Variants in BUD31 observed in about 807,000 individuals in gnomAD.
BUD31 encodes the protein protein BUD31 homolog.
Under a neutral mutation model 17.9 loss-of-function variants are expected in BUD31, and 9 were observed. The observed-to-expected ratio is 0.50, with a 90% CI of 0.30 to 0.88. BUD31 has a LOEUF of 0.88. BUD31 is among the 40% of genes least tolerant of loss of function. BUD31 has a pLI of 0.06. For synonymous variants in BUD31, 70 were observed against 64.7 expected (o/e 1.08, Z -0.39); for missense variants, 148 against 184.5 (o/e 0.80, Z 1.15).
In BUD31 at chr7:99,409,042, C is replaced by A. The variant is rs1376060237; in HGVS notation, c.-369C>A. On this transcript the variant is annotated 5_prime_UTR_variant, in exon 1 of 6. Transcript: ENST00000222969. ...CCTCTGTTCTCGATTACCTTGGCAACGGCTGAGGCGGGAGACCGGTGGTCT... is the reference window on the plus strand; with the variant it reads ...CCTCTGTTCTCGATTACCTTGGCAAAGGCTGAGGCGGGAGACCGGTGGTCT... The A allele has an allele frequency of 2.6e-5, 4 of 152,602 alleles. No individual in the cohort carries two copies. In the East Asian group the frequency reaches 7.7e-4, roughly 29 times the overall value. 9.5% of individuals were successfully genotyped at this position (152,602 alleles called of 1,614,324 possible).
intron 1 of BUD31, among the ~76,000 whole-genome samples, chr7:99,409,707 T>A (rs373965369): frequency 6.9e-6 from 1 of 144,008 alleles, no homozygotes; most frequent in Non-Finnish European, 1.5e-5. Flanking sequence ...TTCTACCTTA[T>A]AGAGTTTGAT....
intron 2 of BUD31, among the ~76,000 whole-genome samples, chr7:99,410,662 G>A (rs532800050): frequency 1.5e-4 from 23 of 152,252 alleles, no homozygotes; most frequent in African/African-American, 5.1e-4. Flanking sequence ...CTTCTAAGGG[G>A]CAAAGGCTTA....
intron 2 of BUD31, among the ~76,000 whole-genome samples, chr7:99,410,394 ATT>A (rs111796919): frequency 6.4e-5 from 8 of 124,096 alleles, no homozygotes; most frequent in Admixed American, 1.7e-4. Flanking sequence ...AATTTTTTTG[ATT>A]TTTTTTTTTT....
intron 3 of BUD31, chr7:99,415,293 C>T: frequency 2.2e-6 from 1 of 455,642 alleles, no homozygotes; most frequent in Non-Finnish European, 4.4e-6. Context: ...CACGTGTCCA[C>T]TGGAAAGCGG....
Position 99,417,947 on chromosome 7 carries a change from A to G in BUD31, c.384+352A>G, listed in dbSNP as rs149607644. 7.3e-6 allele frequency: 9 copies of G among 1,228,718 alleles called. 1 individual carries two copies. In the East Asian group the frequency reaches 4.5e-4, roughly 61 times the overall value. 76.1% of individuals were successfully genotyped at this position (1,228,718 alleles called of 1,614,324 possible). A position where few individuals can be genotyped will look rare whatever the true frequency, so the allele number is the denominator to read the frequency against. On this transcript the variant is annotated intron_variant, in intron 5 of 5. Transcript: ENST00000222969. ...CCTGTCCCTTTCAGTCCTCACAGTG[A>G]TACTTTAACATTACCATCACTATCT...
chr7:99,411,115 G>A lies in BUD31; in HGVS notation c.23G>A (p.Arg8Gln), dbSNP rs374886806. The A allele has an allele frequency of 2.1e-5, 34 of 1,613,962 alleles. No individual in the cohort carries two copies. The highest frequency in any genetic ancestry group is 4.0e-5 in the African/African-American group (3 of 74,914). Residue 8 changes from arginine (R) to glutamine (Q), a missense_variant, in exon 3 of 6, where the codon CGG (arginine) becomes CAG (glutamine). Arg to Gln is a conservative substitution (Grantham distance 43). Transcript: ENST00000222969. The stretch of plus-strand genomic sequence containing the variant: ...AAAATGCCTAAAGTCAAAAGAAGCC[G>A]GAAAGCACCCCCAGATGGCTGGGAG... MPKVKRS[R>Q]KAPPDGWELI...
intron 3 of BUD31, among the ~76,000 whole-genome samples, chr7:99,412,500 C>T (rs899408098): frequency 6.6e-6 from 1 of 152,224 alleles, no homozygotes; most frequent in African/African-American, 2.4e-5. Flanking sequence ...TCAATCACAG[C>T]TCACTGAAGC....
intron 3 of BUD31, 119 bp from the exon 4 acceptor site, chr7:99,416,019 C>A: frequency 7.0e-7 from 1 of 1,430,194 alleles, no homozygotes; most frequent in Non-Finnish European, 9.4e-7. Context: ...GGCTTGCCAC[C>A]CACAGCCATC....
At chr7:99,411,354 G>A (rs1328846411) in intron 3 of BUD31, 168 bp downstream of exon 3, 1 of 564,156 alleles carries the variant, frequency 1.8e-6, no homozygotes, top group East Asian at 3.1e-5. Flanking sequence ...CCGAAAATAA[G>A]ATAACATTAA....
intron 1 of BUD31, 126 bp from the exon 2 acceptor site, chr7:99,409,908 G>A (rs561276045): frequency 6.6e-6 from 1 of 152,278 alleles, no homozygotes; most frequent in South Asian, 2.1e-4. Flanking sequence ...TGTGTGGTTT[G>A]AAAAACGCTT....
chr7:99,416,542 C>T (rs1396605052), intron 4 of BUD31, among the ~76,000 whole-genome samples: 1 of 151,826 alleles, frequency 6.6e-6, no homozygotes, highest in African/African-American at 2.4e-5. Flanking sequence ...GTCTCAGCTC[C>T]CAAGTAGCTG....
chr7:99,415,998 G>A (rs1795427481), intron 3 of BUD31, 140 bp from the exon 4 acceptor site: 12 of 1,177,394 alleles, frequency 1.0e-5, no homozygotes, highest in Admixed American at 2.6e-5. Flanking sequence ...TTCTTGCCTC[G>A]GCACCTGGGT....
At chr7:99,413,313 A>T (rs1042828826) in intron 3 of BUD31, among the ~76,000 whole-genome samples, 4 of 152,216 alleles carry the variant, frequency 2.6e-5, no homozygotes, top group African/African-American at 9.6e-5. Flanking sequence ...TGAGAGAGAG[A>T]GAACTGCCTT....
chr7:99,413,382 G>A (rs529891504), intron 3 of BUD31, among the ~76,000 whole-genome samples: 3 of 152,248 alleles, frequency 2.0e-5, no homozygotes, highest in Non-Finnish European at 4.4e-5. Context: ...TTCTGCTGTG[G>A]CTACTTCCCT....
At chr7:99,409,752 A>C (rs982404340) in intron 1 of BUD31, among the ~76,000 whole-genome samples, 18 of 19,564 alleles carry the variant, frequency 9.2e-4, no homozygotes, top group Non-Finnish European at 2.3e-4. Context: ...AGAGTTCATG[A>C]GAGGAGGCTC....
At chr7:99,417,375 G>T (rs922032429) in intron 4 of BUD31, 54 bp from the exon 5 acceptor site, 1 of 1,579,686 alleles carries the variant, frequency 6.3e-7, no homozygotes, top group Non-Finnish European at 8.7e-7. Flanking sequence ...TTGATCAAGG[G>T]TGGGGAAGGT....
At chr7:99,411,747 C>T in intron 3 of BUD31, 1 of 455,208 alleles carries the variant, frequency 2.2e-6, no homozygotes. Flanking sequence ...CTCTGTCTTC[C>T]AGGCTGCAGT....
At chr7:99,409,780 T>TGGGGGGGGGGGGGGGG (rs1554353400) in intron 1 of BUD31, among the ~76,000 whole-genome samples, 1 of 61,114 alleles carries the variant, frequency 1.6e-5, no homozygotes, top group Non-Finnish European at 3.2e-5. Flanking sequence ...GGGGGGGGGG[T>TGGGGGGGGGGGGGGGG]GGGTCTTTGT....
intron 1 of BUD31, among the ~76,000 whole-genome samples, chr7:99,409,659 G>T (rs1422834490): frequency 6.6e-6 from 1 of 151,542 alleles, no homozygotes; most frequent in African/African-American, 2.4e-5. Flanking sequence ...GAGCCCTCCA[G>T]AGTCAGGTTT....
Sources: allele counts gnomAD v4.1 joint callset (sites outside exome capture counted in the v4.1 genomes callset), GRCh38; gene constraint gnomAD v4.1.1; transcripts MANE v1.5; gene names NCBI Gene and HGNC (gene_info 2026-07-23, HGNC 2026-07-21).